The following AGBL4 variants were observed in gnomAD, a reference collection of about 807,000 sequenced individuals.
AGBL4 encodes cytosolic carboxypeptidase 6.
AGBL4 carries 58 observed loss-of-function variants against 66.4 expected under a neutral mutation model. The ratio of observed to expected loss-of-function variants is 0.87; its 90% CI spans 0.71 to 1.09. AGBL4 has a LOEUF of 1.09. Among genes scored for constraint, AGBL4 ranks in the 50% least tolerant of loss-of-function variants. The pLI, the probability that AGBL4 is intolerant of heterozygous loss-of-function variation, is 0.00. For missense variants in AGBL4, 579 were observed against 631.0 expected (o/e 0.92, Z 0.88); for synonymous variants, 234 against 222.9 (o/e 1.05, Z -0.44).
At chr1:48,659,421 G>A (rs762573195) in intron 7 of AGBL4, among the ~76,000 whole-genome samples, 1 of 152,158 alleles carries the variant, frequency 6.6e-6, no homozygotes, top group Non-Finnish European at 1.5e-5. Flanking sequence ...GCATGGCATG[G>A]CTCCCCACAG....
chr1:49,457,172 T>A (rs1230292540), intron 3 of AGBL4, among the ~76,000 whole-genome samples: 3 of 151,832 alleles, frequency 2.0e-5, no homozygotes, highest in African/African-American at 7.2e-5. Flanking sequence ...GTGGTTGTAC[T>A]AGTTTACATT....
chr1:49,193,836 G>A (rs1451296775), intron 4 of AGBL4, among the ~76,000 whole-genome samples: 1 of 152,054 alleles, frequency 6.6e-6, no homozygotes, highest in East Asian at 1.9e-4. Flanking sequence ...CCCAGCCTTG[G>A]TATTGATTTC....
intron 3 of AGBL4, among the ~76,000 whole-genome samples, chr1:49,608,186 G>T (rs1645093817): frequency 6.6e-6 from 1 of 152,036 alleles, no homozygotes; most frequent in African/African-American, 2.4e-5. Flanking sequence ...AAAGGGGAAG[G>T]AATCAACATG....
chr1:48,759,003 C>T (rs749382544), intron 6 of AGBL4: 1 of 1,614,006 alleles, frequency 6.2e-7, no homozygotes, highest in Non-Finnish European at 8.5e-7. Flanking sequence ...GCTTCTTGGC[C>T]TGTTGTACCA....
At chr1:49,901,607 A>G (rs1649774050) in intron 1 of AGBL4, among the ~76,000 whole-genome samples, 1 of 152,236 alleles carries the variant, frequency 6.6e-6, no homozygotes, top group Non-Finnish European at 1.5e-5. Flanking sequence ...TAAAATGACA[A>G]TACTGACCAA....
chr1:49,677,836 A>G (rs1646610940), intron 3 of AGBL4, among the ~76,000 whole-genome samples: 1 of 152,144 alleles, frequency 6.6e-6, no homozygotes, highest in African/African-American at 2.4e-5. Flanking sequence ...CTTTCTCCAC[A>G]GTGTGAACAC....
At chr1:48,956,904 A>G (rs976165727) in intron 5 of AGBL4, among the ~76,000 whole-genome samples, 1 of 152,232 alleles carries the variant, frequency 6.6e-6, no homozygotes, top group Non-Finnish European at 1.5e-5. Flanking sequence ...TAGAGGAAGT[A>G]AATTTACTTA....
intron 4 of AGBL4, among the ~76,000 whole-genome samples, chr1:49,241,321 C>T (rs1318495347): frequency 1.3e-5 from 2 of 152,012 alleles, no homozygotes; most frequent in African/African-American, 4.8e-5. Flanking sequence ...TCTCCAATCA[C>T]TTTCTCCTCA....
At chr1:48,570,536 G>A (rs1418625854) in intron 11 of AGBL4, among the ~76,000 whole-genome samples, 1 of 152,002 alleles carries the variant, frequency 6.6e-6, no homozygotes, top group Non-Finnish European at 1.5e-5. Context: ...AGTTAATATC[G>A]TGGGTTAACG....
At chr1:49,496,856 T>A (rs113287823) in intron 3 of AGBL4, among the ~76,000 whole-genome samples, 1 of 151,984 alleles carries the variant, frequency 6.6e-6, no homozygotes, top group South Asian at 2.1e-4. Flanking sequence ...CTCCCCAACA[T>A]GTTGATTTCA....
chr1:49,766,019 A>G (rs1417732702), intron 2 of AGBL4, among the ~76,000 whole-genome samples: 1 of 152,222 alleles, frequency 6.6e-6, no homozygotes, highest in Non-Finnish European at 1.5e-5. Flanking sequence ...CATATTTCAG[A>G]GAATAATTCA....
chr1:48,607,162 T>C (rs1018488923), intron 9 of AGBL4, among the ~76,000 whole-genome samples: 6 of 152,136 alleles, frequency 3.9e-5, no homozygotes, highest in African/African-American at 1.4e-4. Context: ...GAGGGCATAT[T>C]CTAGGGCTGT....
intron 4 of AGBL4, among the ~76,000 whole-genome samples, chr1:49,141,045 T>C (rs1336702026): frequency 1.3e-5 from 2 of 152,162 alleles, no homozygotes; most frequent in Non-Finnish European, 2.9e-5. Context: ...TTTAATGGAA[T>C]TTATATTTAA....
intron 3 of AGBL4, among the ~76,000 whole-genome samples, chr1:49,361,992 G>T (rs1015066040): frequency 1.3e-5 from 2 of 151,978 alleles, no homozygotes; most frequent in African/African-American, 4.8e-5. Context: ...TATGAAACTT[G>T]TTTCTTCTCC....
intron 3 of AGBL4, among the ~76,000 whole-genome samples, chr1:49,492,495 G>A (rs1197761106): frequency 1.3e-5 from 2 of 151,980 alleles, no homozygotes; most frequent in Admixed American, 6.6e-5. Flanking sequence ...GGGGACTACT[G>A]TATTGCTTTC....
chr1:49,627,163 A>G (rs116159391), intron 3 of AGBL4, among the ~76,000 whole-genome samples: 3,359 of 152,232 alleles, frequency 0.022, 63 homozygotes, highest in Non-Finnish European at 0.034. Context: ...GATGTCTAGA[A>G]TATTTGTGAA....
At chr1:48,553,475 G>A (rs920017494) in intron 11 of AGBL4, among the ~76,000 whole-genome samples, 6 of 152,186 alleles carry the variant, frequency 3.9e-5, no homozygotes, top group African/African-American at 1.4e-4. Flanking sequence ...CTCTGCTTCT[G>A]AGTGGCTGCA....
intron 5 of AGBL4, among the ~76,000 whole-genome samples, chr1:48,936,129 A>ATT (rs2148909206): frequency 6.6e-6 from 1 of 151,984 alleles, no homozygotes; most frequent in South Asian, 2.1e-4. Flanking sequence ...TCTACAAAAG[A>ATT]TTTTTAAAAC....
intron 6 of AGBL4, among the ~76,000 whole-genome samples, chr1:48,808,885 T>G (rs1645989862): frequency 6.6e-6 from 1 of 152,236 alleles, no homozygotes; most frequent in African/African-American, 2.4e-5. Context: ...AAAGCTCCTT[T>G]TATATCTGGA....
Sources: gnomAD v4.1 joint callset for allele counts (sites outside exome capture counted in the v4.1 genomes callset) on GRCh38, gnomAD v4.1.1 for gene constraint, MANE v1.5 for transcripts, NCBI Gene and HGNC (gene_info 2026-07-23, HGNC 2026-07-21) for gene names.